Variants in HS3ST2 observed in about 807,000 individuals in gnomAD.
HS3ST2 encodes the protein heparan sulfate glucosamine 3-O-sulfotransferase 2.
A neutral mutation model predicts 26.3 loss-of-function variants in HS3ST2; 17 were observed. The observed-to-expected ratio is 0.65, with a 90% CI of 0.44 to 0.97. The LOEUF (loss-of-function observed/expected upper bound fraction) is 0.97. Ranked by LOEUF, HS3ST2 falls within the 50% of genes least tolerant of loss-of-function variation. The pLI, the probability that HS3ST2 is intolerant of heterozygous loss-of-function variation, is 0.00. For synonymous variants in HS3ST2, 237 were observed against 219.2 expected (o/e 1.08, Z -0.72); for missense variants, 402 against 501.2 (o/e 0.80, Z 1.89).
intron 1 of HS3ST2, among the ~76,000 whole-genome samples, chr16:22,850,512 C>T (rs551465561): frequency 2.0e-5 from 3 of 152,172 alleles, no homozygotes; most frequent in South Asian, 2.1e-4. Context: ...ATAAGTCGGG[C>T]GCAGTGGCTC....
chr16:22,912,151 A>C lies in HS3ST2; in HGVS notation c.486-2793A>C, dbSNP rs1018694387. Among the ~76,000 whole-genome samples the C allele has an allele frequency of 2.0e-5, 3 of 152,286 alleles. No homozygotes were observed. In the South Asian group the frequency reaches 6.2e-4, roughly 32 times the overall value. ...ACACACACAAAAAACCCCAAAACAG[A>C]ACAAAGGTTCTGGGCGGACATATCT... On this transcript the variant is annotated intron_variant, in intron 1 of 1. Transcript: ENST00000261374.
chr16:22,911,125 G>A (rs1902420269), intron 1 of HS3ST2, among the ~76,000 whole-genome samples: 1 of 152,198 alleles, frequency 6.6e-6, no homozygotes, highest in South Asian at 2.1e-4. Context: ...ATGGAAGCTA[G>A]AATCCATGAA....
intron 1 of HS3ST2, 37 bp downstream of exon 1, chr16:22,815,132 C>G: frequency 6.2e-7 from 1 of 1,602,398 alleles, no homozygotes; most frequent in Non-Finnish European, 8.5e-7. Context: ...CGCCGGGTCT[C>G]TGATCGCTTC....
At chr16:22,822,256 C>A (rs1319042108) in intron 1 of HS3ST2, among the ~76,000 whole-genome samples, 10 of 152,132 alleles carry the variant, frequency 6.6e-5, no homozygotes, top group Non-Finnish European at 5.9e-5. Context: ...GTCTCAACCT[C>A]CCAGGCTCAA....
chr16:22,819,453 G>C (rs770495550), intron 1 of HS3ST2, among the ~76,000 whole-genome samples: 55 of 152,186 alleles, frequency 3.6e-4, no homozygotes, highest in Non-Finnish European at 6.9e-4. Context: ...AAGCTTTGCT[G>C]TGTGTAGTAG....
chr16:22,819,048 TTCCTTCCTTCCC>T, intron 1 of HS3ST2, among the ~76,000 whole-genome samples: 1 of 33,968 alleles, frequency 2.9e-5, no homozygotes, highest in Non-Finnish European at 5.5e-5. Context: ...CATTCCTTCC[TTCCTTCCTTCCC>T]TCCTTCCTTC....
At chr16:22,914,901 C>T in intron 1 of HS3ST2, 43 bp from the exon 2 acceptor site, 1 of 1,561,130 alleles carries the variant, frequency 6.4e-7, no homozygotes, top group Non-Finnish European at 8.6e-7. Context: ...AGGCCTGGCC[C>T]CAGGGAAACC....
rs181251535 is a variant in HS3ST2, at chr16:22,840,994, G to A, written c.485+25899G>A. On this transcript the variant is annotated intron_variant, in intron 1 of 1. Transcript: ENST00000261374. ...CCCACCCCACAACAGGCCCCAGTGT[G>A]TGATGTTCCCCTTCCTGTGTCCATG... Among the ~76,000 whole-genome samples the A allele has an allele frequency of 6.4e-3, 814 of 126,298 alleles. 7 individuals carry two copies. Among genetic ancestry groups the A allele is most frequent in the Middle Eastern group, 0.043 (7 of 162 alleles). The allele number at this position is 126,298 out of a possible 152,430, so 82.9% of individuals were successfully genotyped here. A position where few individuals can be genotyped will look rare whatever the true frequency, so the allele number is the denominator to read the frequency against.
chr16:22,814,819 C>G lies in HS3ST2; in HGVS notation c.209C>G (p.Ser70Cys). The G allele has an allele frequency of 6.3e-7, 1 of 1,580,120 alleles. No individual in the cohort carries two copies. Among genetic ancestry groups the G allele is most frequent in the Non-Finnish European group, 8.6e-7 (1 of 1,164,110 alleles). The change falls in exon 1 of 2, where the codon TCC becomes TGC. Residue 70 changes from serine (S) to cysteine (C), a missense_variant. Physicochemically the swap from Ser to Cys is moderately radical, Grantham distance 112. Coordinates refer to ENST00000261374, the MANE Select transcript of HS3ST2 (RefSeq NM_006043.2). ...SAGGQKLLQK[S>C]RPCDPSGPTP... ...GGCGGCCAGAAACTTCTCCAGAAGTCCCGCCCCTGTGATCCCTCCGGGCCG... is the reference window on the plus strand; with the variant it reads ...GGCGGCCAGAAACTTCTCCAGAAGTGCCGCCCCTGTGATCCCTCCGGGCCG...
At chr16:22,846,347 T>C (rs943783238) in intron 1 of HS3ST2, among the ~76,000 whole-genome samples, 2 of 152,124 alleles carry the variant, frequency 1.3e-5, no homozygotes, top group Admixed American at 1.3e-4. Flanking sequence ...TTGGCTGTGG[T>C]CAGTGCTGCG....
chr16:22,837,515 A>G (rs1901279620), intron 1 of HS3ST2, among the ~76,000 whole-genome samples: 1 of 146,946 alleles, frequency 6.8e-6, no homozygotes, highest in Middle Eastern at 3.3e-3. Context: ...ATATGTGTAT[A>G]TATATACACA....
intron 1 of HS3ST2, among the ~76,000 whole-genome samples, chr16:22,907,339 A>C (rs753430015): frequency 3.3e-5 from 5 of 152,208 alleles, no homozygotes; most frequent in Non-Finnish European, 5.9e-5. Flanking sequence ...TGCCTGACTT[A>C]ATTGGATTTG....
intron 1 of HS3ST2, among the ~76,000 whole-genome samples, chr16:22,867,783 A>G (rs1433463712): frequency 1.3e-5 from 2 of 152,234 alleles, no homozygotes; most frequent in East Asian, 1.9e-4. Context: ...TTTAGACTCA[A>G]TCACATCCAG....
At chr16:22,876,898 A>G (rs1901927147) in intron 1 of HS3ST2, among the ~76,000 whole-genome samples, 1 of 152,220 alleles carries the variant, frequency 6.6e-6, no homozygotes, top group South Asian at 2.1e-4. Flanking sequence ...TAAACATCGT[A>G]TATTCTCACT....
intron 1 of HS3ST2, among the ~76,000 whole-genome samples, chr16:22,884,179 T>C (rs1197871238): frequency 6.6e-6 from 1 of 152,226 alleles, no homozygotes; most frequent in African/African-American, 2.4e-5. Flanking sequence ...GTGCTTGTTA[T>C]GTGTCAGGGA....
chr16:22,859,866 G>T (rs1161770016), intron 1 of HS3ST2, among the ~76,000 whole-genome samples: 1 of 152,150 alleles, frequency 6.6e-6, no homozygotes, highest in Non-Finnish European at 1.5e-5. Flanking sequence ...TCTGACTTGG[G>T]CATGTAGGGG....
chr16:22,865,196 T>C (rs976294736), intron 1 of HS3ST2, among the ~76,000 whole-genome samples: 6 of 150,906 alleles, frequency 4.0e-5, no homozygotes, highest in African/African-American at 1.5e-4. Context: ...TAGAAAAAAA[T>C]ATTGACTCAA....
At chr16:22,818,510 AG>A (rs1900908360) in intron 1 of HS3ST2, among the ~76,000 whole-genome samples, 2 of 152,196 alleles carry the variant, frequency 1.3e-5, no homozygotes, top group South Asian at 4.1e-4. Context: ...TAGTTCTGTT[AG>A]TATTAAAAAT....
At chr16:22,837,574 TATATAC>T (rs1378485920) in intron 1 of HS3ST2, among the ~76,000 whole-genome samples, 2 of 138,984 alleles carry the variant, frequency 1.4e-5, no homozygotes, top group African/African-American at 5.2e-5. Flanking sequence ...TACATATATA[TATATAC>T]ACACACACAC....
Sources: gnomAD v4.1 joint callset for allele counts (sites outside exome capture counted in the v4.1 genomes callset) on GRCh38, gnomAD v4.1.1 for gene constraint, MANE v1.5 for transcripts, NCBI Gene and HGNC (gene_info 2026-07-23, HGNC 2026-07-21) for gene names.